SAMD12: variants seen among roughly 807,000 people sequenced by gnomAD.
SAMD12 encodes sterile alpha motif domain-containing protein 12.
In SAMD12, 9 loss-of-function variants were observed where a neutral mutation model predicts 15.0. The observed-to-expected ratio is 0.60, with a 90% CI of 0.36 to 1.05. The LOEUF (loss-of-function observed/expected upper bound fraction) is 1.05, where lower values mean the gene tolerates loss of function less well. Among genes scored for constraint, SAMD12 ranks in the 50% least tolerant of loss-of-function variants. The pLI is 0.01. For synonymous variants in SAMD12, 86 were observed against 90.1 expected (o/e 0.96, Z 0.25); for missense variants, 230 against 234.2 (o/e 0.98, Z 0.12).
At chr8:118,324,162 G>A (rs1392508919) in intron 4 of SAMD12, among the ~76,000 whole-genome samples, 1 of 151,940 alleles carries the variant, frequency 6.6e-6, no homozygotes, top group African/African-American at 2.4e-5. Flanking sequence ...ATTTTAATCT[G>A]TATTCGGTAA....
intron 4 of SAMD12, among the ~76,000 whole-genome samples, chr8:118,218,264 T>C (rs1812008687): frequency 6.6e-6 from 1 of 152,200 alleles, no homozygotes. Flanking sequence ...TTATTTTTAA[T>C]TGACAAATAA....
intron 4 of SAMD12, among the ~76,000 whole-genome samples, chr8:118,243,069 T>G (rs1812609411): frequency 6.6e-6 from 1 of 152,114 alleles, no homozygotes; most frequent in Non-Finnish European, 1.5e-5. Context: ...CCACATGTAT[T>G]TGACTAGGGT....
At chr8:118,530,877 T>C (rs1770959387) in intron 2 of SAMD12, among the ~76,000 whole-genome samples, 1 of 152,220 alleles carries the variant, frequency 6.6e-6, no homozygotes. Flanking sequence ...GGACTTACTC[T>C]GTAGCCCAGG....
chr8:118,550,236 C>T (rs536746550), intron 2 of SAMD12, among the ~76,000 whole-genome samples: 11 of 152,214 alleles, frequency 7.2e-5, no homozygotes, highest in Non-Finnish European at 1.6e-4. Context: ...TCAGATTCAC[C>T]AAAGTTGAAA....
rs184606624 is a variant in SAMD12 at position 118,404,685 on chromosome 8, C to T, written c.323-24985G>A. ...ACGGGCCAGAATTCTGACTAAGTGA[C>T]TCTAGTGTGAGGCCTGGGAAAATGT... On this transcript the variant is annotated intron_variant, in intron 3 of 3. Coordinates refer to ENST00000314727, the MANE Select transcript of SAMD12 (RefSeq NM_207506.3). Among the ~76,000 whole-genome samples the T allele has an allele frequency of 3.7e-4, 57 of 152,280 alleles. No homozygotes were observed. The East Asian group carries it at 8.5e-3, about 23-fold the overall frequency.
chr8:118,577,346 C>G (rs1181199089), intron 2 of SAMD12, among the ~76,000 whole-genome samples: 4 of 152,168 alleles, frequency 2.6e-5, no homozygotes, highest in Non-Finnish European at 5.9e-5. Context: ...TACAGATACA[C>G]ACACACATTT....
intron 4 of SAMD12, among the ~76,000 whole-genome samples, chr8:118,310,904 A>G (rs1815596335): frequency 6.6e-6 from 1 of 152,164 alleles, no homozygotes; most frequent in South Asian, 2.1e-4. Context: ...CAGGGTCTGT[A>G]TCTTTTTATC....
At chr8:118,505,793 T>C (rs1563899296) in intron 2 of SAMD12, among the ~76,000 whole-genome samples, 1 of 152,054 alleles carries the variant, frequency 6.6e-6, no homozygotes, top group Admixed American at 6.6e-5. Flanking sequence ...AGAATGCTTT[T>C]TGTGAATTCA....
chr8:118,133,493 T>A, the SAMD12 span, among the ~76,000 whole-genome samples: 1 of 152,150 alleles, frequency 6.6e-6, no homozygotes, highest in Non-Finnish European at 1.5e-5. Context: ...CTGATGCTCT[T>A]CCCACATCCC....
chr8:118,487,113 G>C (rs1268943431), intron 2 of SAMD12, among the ~76,000 whole-genome samples: 1 of 152,192 alleles, frequency 6.6e-6, no homozygotes, highest in African/African-American at 2.4e-5. Context: ...GGGGCAAACA[G>C]AATCCCCAGC....
chr8:118,218,522 A>ACCCCCCCCCCCTCCCTCCCCCCCCCC (rs1586354528), intron 4 of SAMD12, among the ~76,000 whole-genome samples: 1 of 109,338 alleles, frequency 9.1e-6, no homozygotes, highest in Non-Finnish European at 1.9e-5. Flanking sequence ...ACATCTCCCC[A>ACCCCCCCCCCCTCCCTCCCCCCCCCC]CCCCCACCCC....
chr8:118,367,158 TTGG>T (rs1818845095), intron 4 of SAMD12, among the ~76,000 whole-genome samples: 1 of 152,050 alleles, frequency 6.6e-6, no homozygotes, highest in Non-Finnish European at 1.5e-5. Flanking sequence ...ACACCGAGAA[TTGG>T]TGGTCCCCCC....
chr8:118,588,722 G>A (rs1337938466), intron 1 of SAMD12, among the ~76,000 whole-genome samples: 2 of 152,108 alleles, frequency 1.3e-5, no homozygotes, highest in Non-Finnish European at 2.9e-5. Context: ...AACCTGAAGG[G>A]CACTGGGACC....
At chr8:118,338,732 G>T (rs1339517452) in intron 4 of SAMD12, among the ~76,000 whole-genome samples, 3 of 152,162 alleles carry the variant, frequency 2.0e-5, no homozygotes, top group African/African-American at 7.2e-5. Context: ...TCTAACTACA[G>T]CTCAGCCTCC....
chr8:118,318,427 G>A (rs891768957), intron 4 of SAMD12, among the ~76,000 whole-genome samples: 4 of 149,760 alleles, frequency 2.7e-5, no homozygotes, highest in African/African-American at 9.8e-5. Flanking sequence ...CAACTTGGAT[G>A]GAGCTGGAGG....
chr8:118,275,672 G>A (rs1007405661), intron 4 of SAMD12, among the ~76,000 whole-genome samples: 5 of 152,186 alleles, frequency 3.3e-5, no homozygotes, highest in Non-Finnish European at 5.9e-5. Context: ...AGTGAGCACA[G>A]TATCCAACAG....
At chr8:118,360,710 G>C (rs1818450554) in intron 4 of SAMD12, among the ~76,000 whole-genome samples, 1 of 152,226 alleles carries the variant, frequency 6.6e-6, no homozygotes, top group Non-Finnish European at 1.5e-5. Context: ...ATGGTTGTGA[G>C]ATGGCCAGAA....
chr8:118,241,926 T>G (rs146200160), intron 4 of SAMD12, among the ~76,000 whole-genome samples: 1 of 152,186 alleles, frequency 6.6e-6, no homozygotes, highest in African/African-American at 2.4e-5. Flanking sequence ...TATTTATTTA[T>G]TTGGAGACTG....
At chr8:118,296,119 G>T (rs79695907) in intron 4 of SAMD12, among the ~76,000 whole-genome samples, 1 of 152,126 alleles carries the variant, frequency 6.6e-6, no homozygotes, top group Non-Finnish European at 1.5e-5. Flanking sequence ...TACATATGTA[G>T]GTTTGACATT....
Sources: allele counts gnomAD v4.1 joint callset (sites outside exome capture counted in the v4.1 genomes callset), GRCh38; gene constraint gnomAD v4.1.1; transcripts MANE v1.5; gene names NCBI Gene and HGNC (gene_info 2026-07-23, HGNC 2026-07-21).